The following FYB1 variants were observed in gnomAD, a reference collection of about 807,000 sequenced individuals.
FYB1 encodes FYN binding protein 1.
In FYB1, 41 loss-of-function variants were observed where a neutral mutation model predicts 94.1. That is an observed-to-expected ratio of 0.44 (90% CI 0.34 to 0.57). The LOEUF is 0.57. Ranked by LOEUF, FYB1 falls within the 20% of genes least tolerant of loss-of-function variation. The probability of loss-of-function intolerance (pLI) is 0.02; values close to 1 mark genes in which losing one functional copy is unlikely to be tolerated. For missense variants in FYB1, 1,050 were observed against 976.8 expected (o/e 1.07, Z -1.00); for synonymous variants, 367 against 353.2 (o/e 1.04, Z -0.44).
At chr5:39,194,566 AGAAG>A (rs1328765761) in intron 2 of FYB1, among the ~76,000 whole-genome samples, 1 of 151,668 alleles carries the variant, frequency 6.6e-6, no homozygotes, top group Non-Finnish European at 1.5e-5. Context: ...AAGGAAGGAA[AGAAG>A]GAAGGAAGGA....
rs761497373 is a variant in FYB1 at position 39,118,974 on chromosome 5, C to T, written c.2301G>A (p.Lys767=). 2 of 1,565,094 alleles carry T rather than the reference C, an allele frequency of 1.3e-6. No individual in the cohort carries two copies. The highest frequency in any genetic ancestry group is 1.7e-6 in the Non-Finnish European group (2 of 1,147,278). ...TTACCTGTAGATCTCTGGTTCCCCA[C>T]TTTTTAGAAGTTATGGAAGTTGTAA... is the stretch of plus-strand genomic sequence containing the variant. ...TKVTTSITSK[K]WGTRDLQVKP... is the part of the protein sequence containing the mutation. The change falls in exon 16 of 19, where the codon AAG becomes AAA. Residue 767 remains lysine, a synonymous_variant. Coordinates refer to ENST00000512982, the MANE Select transcript of FYB1 (RefSeq NM_001465.6).
chr5:39,256,341 T>C (rs1194300590), intron 1 of FYB1, among the ~76,000 whole-genome samples: 2 of 152,168 alleles, frequency 1.3e-5, no homozygotes, highest in Non-Finnish European at 2.9e-5. Context: ...TGTATGTGGC[T>C]TACAAATTAA....
rs77171845 is a variant in FYB1 at position 39,230,233 on chromosome 5, C to T, written c.-27-27246G>A. ...GGAAGACCCAAGTAACCAGAAGGAT[C>T]GTTATACATGGAAGCAGATGGCAGG... On this transcript the variant is annotated intron_variant, in intron 1 of 1. Transcript: ENST00000510188. Among the ~76,000 whole-genome samples, 1,355 of 152,216 alleles carry T rather than the reference C, an allele frequency of 8.9e-3. 14 individuals are homozygous for T. The highest frequency in any genetic ancestry group is 0.031 in the African/African-American group (1,288 of 41,532).
chr5:39,202,623 A>G lies in FYB1; in HGVS notation c.338T>C (p.Val113Ala). 6.2e-7 allele frequency: 1 copy of G among 1,613,754 alleles called. No homozygotes were observed. The highest frequency in any genetic ancestry group is 8.5e-7 in the Non-Finnish European group (1 of 1,179,844). ...PEAKVGFLKP[V>A]GPKPINLPKE... is the part of the protein sequence containing the mutation. ...GGGCAAGTTGATGGGCTTGGGGCCT[A>G]CAGGTTTCAGAAATCCCACTTTCGC... The change falls in exon 2 of 19, where the codon GTA (valine) becomes GCA (alanine). Residue 113 changes from valine (V) to alanine (A), a missense_variant. By Grantham distance (64) the Val-to-Ala change is moderately conservative. Coordinates refer to ENST00000512982, the MANE Select transcript of FYB1 (RefSeq NM_001465.6).
In FYB1 at chr5:39,168,334, T is replaced by C. The variant is rs534349882; in HGVS notation, c.1136-14730A>G. On this transcript the variant is annotated intron_variant, in intron 2 of 18. Coordinates refer to ENST00000512982, the MANE Select transcript of FYB1 (RefSeq NM_001465.6). ...TTGTTTCTGTAGTTCATCATGACAA[T>C]GTTTGGCCTGCACTTGTTAGCCTGA... 2.6e-5 allele frequency among the ~76,000 whole-genome samples: 4 copies of C among 152,340 alleles called. No individual in the cohort carries two copies. In the South Asian group the frequency reaches 6.2e-4, roughly 24 times the overall value.
At chr5:39,266,772 T>A (rs568864483) in intron 1 of FYB1, among the ~76,000 whole-genome samples, 22 of 152,256 alleles carry the variant, frequency 1.4e-4, no homozygotes, top group Non-Finnish European at 2.8e-4. Context: ...TCTGCAACAT[T>A]TCAATAAAGT....
chr5:39,263,613 C>T (rs192694358), intron 1 of FYB1, among the ~76,000 whole-genome samples: 34 of 152,240 alleles, frequency 2.2e-4, no homozygotes, highest in Non-Finnish European at 3.8e-4. Flanking sequence ...CTTCTAGCTC[C>T]GTTTCCATAC....
intron 2 of FYB1, among the ~76,000 whole-genome samples, chr5:39,190,519 A>T (rs1330241390): frequency 6.6e-6 from 1 of 152,048 alleles, no homozygotes. Context: ...GTTGCATGCC[A>T]CTCAGCCCGA....
chr5:39,142,048 T>C lies in FYB1; in HGVS notation c.1293-907A>G, dbSNP rs918762958. On this transcript the variant is annotated intron_variant, in intron 3 of 18. Transcript: ENST00000512982. ...TACCTGGGCCTTACAAATCCCTAAT[T>C]ATGTATATGACCATTTATATTTTCT... Among the ~76,000 whole-genome samples, 53 of 152,168 alleles carry C rather than the reference T, an allele frequency of 3.5e-4. 1 individual carries two copies. The highest frequency in any genetic ancestry group is 7.3e-5 in the Non-Finnish European group (5 of 68,036).
chr5:39,205,722 T>A (rs1172854830), intron 1 of FYB1, among the ~76,000 whole-genome samples: 1 of 152,162 alleles, frequency 6.6e-6, no homozygotes, highest in Non-Finnish European at 1.5e-5. Context: ...AGCAGTGCAA[T>A]GTCAAAGTTA....
intron 1 of FYB1, among the ~76,000 whole-genome samples, chr5:39,244,151 T>C (rs1222591473): frequency 3.9e-5 from 6 of 152,118 alleles, no homozygotes; most frequent in African/African-American, 1.4e-4. Flanking sequence ...TCTGCCTGAT[T>C]GCCTTGGCCA....
chr5:39,235,844 C>CAAA (rs1750936856), intron 1 of FYB1, among the ~76,000 whole-genome samples: 1 of 152,018 alleles, frequency 6.6e-6, no homozygotes, highest in Non-Finnish European at 1.5e-5. Flanking sequence ...GCTTCTAGAA[C>CAAA]AGTGTTGTGC....
At chr5:39,225,914 TC>T (rs1750452124) in intron 1 of FYB1, among the ~76,000 whole-genome samples, 1 of 152,188 alleles carries the variant, frequency 6.6e-6, no homozygotes, top group Admixed American at 6.6e-5. Flanking sequence ...GTTAACAAGT[TC>T]CTTTGCTCAG....
At chr5:39,245,780 G>A (rs1751451162) in intron 1 of FYB1, among the ~76,000 whole-genome samples, 1 of 152,050 alleles carries the variant, frequency 6.6e-6, no homozygotes, top group Non-Finnish European at 1.5e-5. Context: ...TGTATTTTTA[G>A]TAGAGACGCG....
rs559157006 is a variant in FYB1, at chr5:39,117,342, A to G, written c.2401+1532T>C. 3.7e-4 allele frequency among the ~76,000 whole-genome samples: 56 copies of G among 152,256 alleles called. 1 individual carries two copies. The highest frequency in any genetic ancestry group is 1.3e-3 in the African/African-American group (54 of 41,550). ...ACATTCAATTGGGTGTATTCATCGTAACATTTAATAATTTAAAAATCTTTG... is the reference window on the plus strand; with the variant it reads ...ACATTCAATTGGGTGTATTCATCGTGACATTTAATAATTTAAAAATCTTTG... On this transcript the variant is annotated intron_variant, in intron 16 of 18. Transcript: ENST00000512982.
intron 9 of FYB1, 27 bp from the exon 10 acceptor site, chr5:39,130,639 G>A (rs776048855): frequency 2.6e-6 from 4 of 1,541,738 alleles, no homozygotes; most frequent in Non-Finnish European, 3.5e-6. Flanking sequence ...GAAATATTAA[G>A]TTAATCTATG....
At chr5:39,192,537 T>C (rs73749458) in intron 2 of FYB1, among the ~76,000 whole-genome samples, 2,204 of 152,340 alleles carry the variant, frequency 0.014, 58 homozygotes, top group African/African-American at 0.05. Flanking sequence ...TTTTTTGAGA[T>C]GCTTAAACAT....
At chr5:39,155,301 C>T (rs114472962) in intron 2 of FYB1, among the ~76,000 whole-genome samples, 2,931 of 152,310 alleles carry the variant, frequency 0.019, 91 homozygotes, top group African/African-American at 0.066. Context: ...TTCCCTTCTT[C>T]CTGGAGTCTT....
chr5:39,133,692 G>A (rs1395215261), intron 9 of FYB1, among the ~76,000 whole-genome samples: 3 of 152,004 alleles, frequency 2.0e-5, no homozygotes, highest in African/African-American at 7.2e-5. Context: ...TAGTGGAATG[G>A]GCCGTGGAAA....
Sources: allele counts gnomAD v4.1 joint callset (sites outside exome capture counted in the v4.1 genomes callset), GRCh38; gene constraint gnomAD v4.1.1; transcripts MANE v1.5; gene names NCBI Gene and HGNC (gene_info 2026-07-23, HGNC 2026-07-21).